The following NBEAL2 variants were observed in gnomAD, a reference collection of about 807,000 sequenced individuals.
The protein encoded by NBEAL2 is neurobeachin like 2.
In NBEAL2, 160 loss-of-function variants were observed where a neutral mutation model predicts 299.8. That is an observed-to-expected ratio of 0.53 (90% CI 0.47 to 0.61). The LOEUF is 0.61. NBEAL2 is among the 20% of genes least tolerant of loss of function. NBEAL2 has a pLI of 0.00. For missense variants in NBEAL2, 3,112 were observed against 3,649.0 expected (o/e 0.85, Z 3.79); for synonymous variants, 1,493 against 1,542.3 (o/e 0.97, Z 0.75).
chr3:46,991,489 G>A lies in NBEAL2; in HGVS notation c.726G>A (p.Pro242=), dbSNP rs1405669215. Residue 242 remains proline, a synonymous_variant, in exon 8 of 54, where the codon CCG becomes CCA. Coordinates refer to ENST00000450053, the MANE Select transcript of NBEAL2 (RefSeq NM_015175.3). This position sits in a 1 kb window ranked among gnomAD's most constrained non-coding sequence, Gnocchi z 6.2. ...GGGGCTGGAGCCGTGGGCCAGCCCC[G>A]GACCCGTGCCTAGTGCCACTGGCTC... is the stretch of plus-strand genomic sequence containing the variant. ...VVRGWSRGPA[P]DPCLVPLALE... 13 of 1,612,288 alleles carry A rather than the reference G, an allele frequency of 8.1e-6. No homozygotes were observed. The highest frequency in any genetic ancestry group is 4.4e-5 in the South Asian group (4 of 91,090).
chr3:47,006,034 T>C lies in NBEAL2; in HGVS notation c.6890T>C (p.Leu2297Pro). The change falls in exon 43 of 54, where the codon CTC (leucine) becomes CCC (proline). Residue 2297 changes from leucine to proline, a missense_variant. Transcript: ENST00000450053. Reference protein sequence around the residue: ...KQRGPAAEEALNVFYYCTYEG... With the variant: ...KQRGPAAEEAPNVFYYCTYEG... The stretch of plus-strand genomic sequence containing the variant: ...CGGGGGCCAGCCGCCGAGGAGGCCC[T>C]CAATGTCTTCTATTACTGCACCTAT... 6.2e-7 allele frequency: 1 copy of C among 1,613,780 alleles called. No individual in the cohort carries two copies. Among genetic ancestry groups the C allele is most frequent in the Non-Finnish European group, 8.5e-7 (1 of 1,179,876 alleles).
In NBEAL2 at chr3:46,991,661, C is replaced by G; in HGVS notation, c.898C>G (p.Leu300Val). ...AGLSSGPEEA[L>V]VTLRVSMLDA... ...TCTGAGCTCAGGCCCCGAAGAGGCC[C>G]TTGTCACCCTCCGGGTCAGCATGCT... The change falls in exon 8 of 54, where the codon CTT becomes GTT. Residue 300 changes from leucine to valine, a missense_variant. By Grantham distance (32) the Leu-to-Val change is conservative. Transcript: ENST00000450053. The surrounding 1 kb of genome is among the most constrained non-coding windows in gnomAD (Gnocchi z 6.2). The G allele has an allele frequency of 6.3e-7, 1 of 1,599,000 alleles. No individual in the cohort carries two copies.
rs143491739 is a variant in NBEAL2, at chr3:46,998,822, C to G, written c.3327C>G (p.Asp1109Glu). ...TGGTGCGGAGTCTCTCAGCAGATGA[C>G]GTGCAGGTCACGCAGACCATGCTGA... ...EFLVRSLSAD[D>E]VQVTQTMLSF... The change falls in exon 23 of 54, where the codon GAC becomes GAG. Residue 1109 changes from aspartate to glutamate, a missense_variant. Asp to Glu is a conservative substitution (Grantham distance 45, BLOSUM62 2). Transcript: ENST00000450053. The G allele has an allele frequency of 2.0e-5, 31 of 1,571,864 alleles. No individual in the cohort carries two copies. Among genetic ancestry groups the G allele is most frequent in the Non-Finnish European group, 2.6e-5 (30 of 1,158,896 alleles).
In NBEAL2 at chr3:46,997,620, C is replaced by G; in HGVS notation, c.2884C>G (p.Gln962Glu). 12 of 1,599,748 alleles carry G rather than the reference C, an allele frequency of 7.5e-6. No individual in the cohort carries two copies. Among genetic ancestry groups the G allele is most frequent in the Non-Finnish European group, 1.0e-5 (12 of 1,169,698 alleles). The part of the protein sequence containing the change: ...AFLLMLRNFL[Q>E]GHMVNQESLV... Reference sequence around the variant, plus strand: ...TCTGCTGATGCTGCGGAACTTCCTTCAGGGTCACATGGTGAACCAAGAGAG... The same window carrying G: ...TCTGCTGATGCTGCGGAACTTCCTTGAGGGTCACATGGTGAACCAAGAGAG... The change falls in exon 20 of 54, where the codon CAG becomes GAG. Residue 962 changes from glutamine to glutamate, a missense_variant. Gln to Glu is a conservative substitution (Grantham distance 29). This residue lies in a region of NBEAL2 where 2,243 missense variants were observed against 2,538.1 expected (regional missense o/e 0.88). Coordinates refer to ENST00000450053, the MANE Select transcript of NBEAL2 (RefSeq NM_015175.3).
intron 1 of NBEAL2, among the ~76,000 whole-genome samples, chr3:46,987,025 C>T (rs141559187): frequency 2.0e-5 from 3 of 152,328 alleles, no homozygotes; most frequent in Non-Finnish European, 2.9e-5. Context: ...TGGGTCTGCA[C>T]CATGGTGGCC....
rs1291912641 is a variant in NBEAL2 at position 46,982,447 on chromosome 3, C to T, written c.51+2535C>T. On this transcript the variant is annotated intron_variant, in intron 1 of 53. Coordinates refer to ENST00000450053, the MANE Select transcript of NBEAL2 (RefSeq NM_015175.3). This position sits in a 1 kb window ranked among gnomAD's most constrained non-coding sequence, Gnocchi z 4.2. ...AGGTTTAGACCCACCCACCCCCTCC[C>T]CCTGGGGGCCCGGCTCAACTGGGGG... Among the ~76,000 whole-genome samples the T allele has an allele frequency of 6.6e-6, 1 of 152,162 alleles. No individual in the cohort carries two copies. The highest frequency in any genetic ancestry group is 1.5e-5 in the Non-Finnish European group (1 of 68,048).
chr3:46,991,279 T>C lies in NBEAL2; in HGVS notation c.617T>C (p.Phe206Ser). The change falls in exon 7 of 54, where the codon TTC (phenylalanine) becomes TCC (serine). Residue 206 changes from phenylalanine (F) to serine (S), a missense_variant. Physicochemically the swap from Phe to Ser is radical, Grantham distance 155. Transcript: ENST00000450053. The surrounding 1 kb of genome is among the most constrained non-coding windows in gnomAD (Gnocchi z 6.2). ...PILLLRLIHL[F>S]CAVLAGGKEN... ...CTGCTGTTACGTCTCATCCACCTCT[T>C]CTGCGCCGTCCTCGCTGGAGGAAAG... 1 of 1,606,108 alleles carries C rather than the reference T, an allele frequency of 6.2e-7. No individual in the cohort carries two copies. The highest frequency in any genetic ancestry group is 8.5e-7 in the Non-Finnish European group (1 of 1,176,224).
intron 1 of NBEAL2, among the ~76,000 whole-genome samples, chr3:46,980,225 C>G (rs1446058005): frequency 6.6e-6 from 1 of 152,206 alleles, no homozygotes; most frequent in African/African-American, 2.4e-5. Context: ...CGGCCGGACA[C>G]TTGGCCTTTT....
At chr3:46,984,312 A>G (rs2035554823) in intron 1 of NBEAL2, among the ~76,000 whole-genome samples, 1 of 152,082 alleles carries the variant, frequency 6.6e-6, no homozygotes. Flanking sequence ...TCCGTCTCAA[A>G]AAAAAACAAA....
In NBEAL2 at chr3:47,009,374, G is replaced by A; in HGVS notation, c.*54G>A. ...GCCCCCGGCAGGCCTGGCCCGGGAGGCCCCGCCCAGAAGTCGGCGGGAACA... is the reference window on the plus strand; with the variant it reads ...GCCCCCGGCAGGCCTGGCCCGGGAGACCCCGCCCAGAAGTCGGCGGGAACA... On this transcript the variant is annotated 3_prime_UTR_variant, in exon 54 of 54. Coordinates refer to ENST00000450053, the MANE Select transcript of NBEAL2 (RefSeq NM_015175.3). The A allele has an allele frequency of 3.3e-6, 5 of 1,515,866 alleles. No individual in the cohort carries two copies. The highest frequency in any genetic ancestry group is 4.5e-6 in the Non-Finnish European group (5 of 1,120,468). The allele number at this position is 1,515,866 out of a possible 1,614,324, so 93.9% of individuals were successfully genotyped here. A position where few individuals can be genotyped will look rare whatever the true frequency, so the allele number is the denominator to read the frequency against.
rs2037206628 is a variant in NBEAL2, at chr3:47,003,751, C to A, written c.5721-65C>A. On this transcript the variant is annotated intron_variant, in intron 35 of 53. Coordinates refer to ENST00000450053, the MANE Select transcript of NBEAL2 (RefSeq NM_015175.3). This position sits in a 1 kb window ranked among gnomAD's most constrained non-coding sequence, Gnocchi z 7.0. ...CCCATGACTCAATGGCACTTGGATGCCCTTTGGGCTTGTGAAGAAGGGGGT... is the reference window on the plus strand; with the variant it reads ...CCCATGACTCAATGGCACTTGGATGACCTTTGGGCTTGTGAAGAAGGGGGT... The A allele has an allele frequency of 2.0e-6, 3 of 1,503,748 alleles. No homozygotes were observed. Among genetic ancestry groups the A allele is most frequent in the Non-Finnish European group, 2.7e-6 (3 of 1,121,988 alleles). The allele number at this position is 1,503,748 out of a possible 1,614,324, so 93.2% of individuals were successfully genotyped here. A position where few individuals can be genotyped will look rare whatever the true frequency, so the allele number is the denominator to read the frequency against.
intron 1 of NBEAL2, among the ~76,000 whole-genome samples, chr3:46,985,371 C>T (rs1235193694): frequency 6.6e-6 from 1 of 152,168 alleles, no homozygotes; most frequent in African/African-American, 2.4e-5. Flanking sequence ...AGCATGGTGT[C>T]AGGCAGCTCA....
chr3:46,987,596 G>A (rs147164360), intron 1 of NBEAL2, among the ~76,000 whole-genome samples: 97 of 152,290 alleles, frequency 6.4e-4, no homozygotes, highest in Middle Eastern at 3.4e-3. Context: ...CGGGCGGCGG[G>A]GCGGGACAAA....
In NBEAL2 at chr3:47,001,078, C is replaced by T. The variant is rs372411763; in HGVS notation, c.4383C>T (p.Ser1461=). 9.3e-6 allele frequency: 15 copies of T among 1,612,522 alleles called. No individual in the cohort carries two copies. In the Admixed American group the frequency reaches 1.8e-4, roughly 20 times the overall value. ...FSVTWRGVEG[S]DEAAWRERGQ... ...TGACGTGGCGTGGCGTGGAAGGCAG[C>T]GATGAGGCTGCCTGGCGGGAGCGTG... Residue 1461 remains serine (S), a synonymous_variant, in exon 28 of 54, where the codon AGC becomes AGT. Transcript: ENST00000450053. The surrounding 1 kb of genome is among the most constrained non-coding windows in gnomAD (Gnocchi z 6.1).
At chr3:46,993,316 A>G (rs192031068) in intron 10 of NBEAL2, among the ~76,000 whole-genome samples, 1 of 152,270 alleles carries the variant, frequency 6.6e-6, no homozygotes, top group East Asian at 1.9e-4. Flanking sequence ...GGAGCCGAAT[A>G]TGACCTAGTC....
At chr3:46,990,908 G>T (rs933379863) in intron 6 of NBEAL2, among the ~76,000 whole-genome samples, 2 of 152,170 alleles carry the variant, frequency 1.3e-5, no homozygotes, top group Non-Finnish European at 2.9e-5. Context: ...GAAGTGGAAG[G>T]GTATGTGCTC....
chr3:46,995,007 G>A, intron 12 of NBEAL2, 25 bp from the exon 13 acceptor site: 3 of 1,519,450 alleles, frequency 2.0e-6, no homozygotes, highest in Non-Finnish European at 2.7e-6. Flanking sequence ...AGCTGACCAG[G>A]GACTGTCATT....
chr3:46,980,958 C>A (rs2107237084), intron 1 of NBEAL2, among the ~76,000 whole-genome samples: 1 of 152,290 alleles, frequency 6.6e-6, no homozygotes, highest in African/African-American at 2.4e-5. Flanking sequence ...GACACGCTGG[C>A]CCTCCATAAG....
chr3:47,006,949 G>T, intron 45 of NBEAL2, 117 bp from the exon 46 acceptor site: 1 of 815,754 alleles, frequency 1.2e-6, no homozygotes, highest in South Asian at 1.8e-5. Context: ...CTGCATCTGT[G>T]ACACCTACTC....
Sources: allele counts gnomAD v4.1 joint callset (sites outside exome capture counted in the v4.1 genomes callset), GRCh38; gene constraint gnomAD v4.1.1; regional missense constraint gnomAD v4.1.1; non-coding constraint Gnocchi (gnomAD v3.1); transcripts MANE v1.5; gene names NCBI Gene and HGNC (gene_info 2026-07-23, HGNC 2026-07-21).